The following PVT1 variants were observed in gnomAD, a reference collection of about 807,000 sequenced individuals.
PVT1 encodes CXCR4/PVT1 fusion.
At chr8:128,017,271 T>C (rs542084558) in intron 4 of PVT1, among the ~76,000 whole-genome samples, 2 of 152,032 alleles carry the variant, frequency 1.3e-5, no homozygotes, top group African/African-American at 4.8e-5. Flanking sequence ...AATGTCTCCA[T>C]GTCAAAGGGT....
chr8:127,862,862 T>C (rs1191902910), intron 2 of PVT1, among the ~76,000 whole-genome samples: 1 of 152,218 alleles, frequency 6.6e-6, no homozygotes, highest in Non-Finnish European at 1.5e-5. Flanking sequence ...TTCTCATTGA[T>C]TTGTAAGATC....
At chr8:127,958,278 C>T (rs1468706496) in intron 3 of PVT1, among the ~76,000 whole-genome samples, 1 of 151,104 alleles carries the variant, frequency 6.6e-6, no homozygotes, top group Non-Finnish European at 1.5e-5. Flanking sequence ...CTGGCTGTGT[C>T]GCCCAGGCAG....
intron 4 of PVT1, among the ~76,000 whole-genome samples, chr8:128,054,676 G>A (rs957437679): frequency 1.3e-5 from 2 of 151,476 alleles, no homozygotes; most frequent in Non-Finnish European, 2.9e-5. Context: ...TGTTTAATCT[G>A]ACAGATTCTG....
intron 4 of PVT1, among the ~76,000 whole-genome samples, chr8:127,990,545 CAT>C (rs2129997462): frequency 6.6e-6 from 1 of 152,232 alleles, no homozygotes; most frequent in East Asian, 1.9e-4. Context: ...AGGAAACTGA[CAT>C]GATTCCTATC....
At chr8:127,941,137 C>A (rs1446045907) in intron 3 of PVT1, among the ~76,000 whole-genome samples, 1 of 152,238 alleles carries the variant, frequency 6.6e-6, no homozygotes, top group Non-Finnish European at 1.5e-5. Context: ...GGCCTCCTCT[C>A]TCCATTTTCA....
At chr8:127,893,515 G>C (rs555812204) in intron 3 of PVT1, among the ~76,000 whole-genome samples, 1 of 152,286 alleles carries the variant, frequency 6.6e-6, no homozygotes, top group South Asian at 2.1e-4. Flanking sequence ...CTAAAGAGCT[G>C]CGATTACAAG....
At chr8:127,959,940 C>T (rs1816619174) in intron 3 of PVT1, among the ~76,000 whole-genome samples, 1 of 152,208 alleles carries the variant, frequency 6.6e-6, no homozygotes, top group Non-Finnish European at 1.5e-5. Flanking sequence ...TTAACCATCC[C>T]TAATGCCTGC....
chr8:128,057,344 C>A (rs1224439090), intron 4 of PVT1, among the ~76,000 whole-genome samples: 1 of 152,146 alleles, frequency 6.6e-6, no homozygotes, highest in Non-Finnish European at 1.5e-5. Context: ...AGGATTCAAA[C>A]CCTTATGACC....
At chr8:127,958,218 T>C (rs796103621) in intron 3 of PVT1, among the ~76,000 whole-genome samples, 6 of 152,194 alleles carry the variant, frequency 3.9e-5, no homozygotes, top group African/African-American at 1.4e-4. Flanking sequence ...TTTTTTTCTC[T>C]TCTTTTTTTG....
At position 128,057,574 on chromosome 8, in the gene PVT1, G is replaced by C. The variant is rs35916594; in HGVS notation, n.913-12586G>C. 2.0e-5 allele frequency among the ~76,000 whole-genome samples: 3 copies of C among 152,120 alleles called. No individual in the cohort carries two copies. In the South Asian group the frequency reaches 6.2e-4, roughly 32 times the overall value. ...AGGAGCCACCCTGGCACTGGCTGAC[G>C]TGGGAGGTACAGAATGAGGTGTCCG... is the stretch of plus-strand genomic sequence containing the variant. On this transcript the variant is annotated intron_variant and non_coding_transcript_variant, in intron 4 of 10. Transcript: ENST00000651587.
intron 3 of PVT1, among the ~76,000 whole-genome samples, chr8:127,973,793 C>A (rs936964272): frequency 2.6e-5 from 4 of 151,356 alleles, no homozygotes; most frequent in Non-Finnish European, 5.9e-5. Context: ...TCCTGGCTAA[C>A]ATGGTGAAAC....
At chr8:127,878,182 GA>G (rs111383512) in intron 2 of PVT1, among the ~76,000 whole-genome samples, 31 of 147,118 alleles carry the variant, frequency 2.1e-4, no homozygotes, top group South Asian at 8.7e-4. Flanking sequence ...AAAGGAAATT[GA>G]AAAAAAAAAC....
At chr8:127,828,756 A>G (rs1002306737) in intron 2 of PVT1, among the ~76,000 whole-genome samples, 3 of 152,044 alleles carry the variant, frequency 2.0e-5, no homozygotes, top group South Asian at 2.1e-4. Context: ...TCATCCTTCC[A>G]TGTGTGTCCT....
At chr8:127,896,784 C>T (rs938905636) in intron 3 of PVT1, among the ~76,000 whole-genome samples, 1 of 149,762 alleles carries the variant, frequency 6.7e-6, no homozygotes, top group African/African-American at 2.4e-5. Context: ...TCCCCCCCCC[C>T]GCCCCCGACC....
chr8:127,881,929 A>G (rs545380679), intron 2 of PVT1, among the ~76,000 whole-genome samples: 62 of 152,180 alleles, frequency 4.1e-4, no homozygotes, highest in Middle Eastern at 3.4e-3. Context: ...TTGTAGAGAT[A>G]TGGTTTCACC....
chr8:128,069,773 A>G (rs1027280317), intron 4 of PVT1, among the ~76,000 whole-genome samples: 3 of 152,228 alleles, frequency 2.0e-5, no homozygotes, highest in Non-Finnish European at 4.4e-5. Context: ...AGCCGTAGCC[A>G]GTAAGGATCA....
At chr8:127,826,994 CTTTTTTT>C (rs5894901) in intron 2 of PVT1, among the ~76,000 whole-genome samples, 1 of 113,958 alleles carries the variant, frequency 8.8e-6, no homozygotes, top group South Asian at 2.9e-4. Context: ...TTCTTTTTCT[CTTTTTTT>C]TTTTTTTTTT....
chr8:127,855,374 T>C (rs1052469002), intron 2 of PVT1: 18 of 395,112 alleles, frequency 4.6e-5, no homozygotes, highest in African/African-American at 3.5e-4. Context: ...GGAAATTGGA[T>C]GGCTCGCTGA....
chr8:127,877,569 A>G (rs1815419646), intron 2 of PVT1, among the ~76,000 whole-genome samples: 1 of 152,136 alleles, frequency 6.6e-6, no homozygotes. Flanking sequence ...CCTGAACTCC[A>G]CACCGCACAT....
Sources: gnomAD v4.1 joint callset for allele counts (sites outside exome capture counted in the v4.1 genomes callset) on GRCh38, gnomAD v4.1.1 for gene constraint, MANE v1.5 for transcripts, NCBI Gene and HGNC (gene_info 2026-07-23, HGNC 2026-07-21) for gene names.